Variants in GRID1 observed in about 807,000 individuals in gnomAD.
The protein encoded by GRID1 is glutamate ionotropic receptor delta type subunit 1.
In GRID1, 28 loss-of-function variants were observed where a neutral mutation model predicts 98.0. That is an observed-to-expected ratio of 0.29 (90% confidence interval 0.21 to 0.39). The LOEUF (loss-of-function observed/expected upper bound fraction) is 0.39. GRID1 is among the 10% of genes least tolerant of loss of function. The pLI is 1.00. For synonymous variants in GRID1, 553 were observed against 538.5 expected (o/e 1.03, Z -0.37); for missense variants, 1,111 against 1,340.5 (o/e 0.83, Z 2.67).
intron 13 of GRID1, among the ~76,000 whole-genome samples, chr10:85,634,951 G>T (rs1258941988): frequency 8.0e-6 from 1 of 124,652 alleles, no homozygotes; most frequent in Non-Finnish European, 1.6e-5. Context: ...CTAAGGTGAA[G>T]CGTATCAGAC....
intron 2 of GRID1, among the ~76,000 whole-genome samples, chr10:86,334,799 C>A (rs537838585): frequency 6.6e-6 from 1 of 152,310 alleles, no homozygotes; most frequent in African/African-American, 2.4e-5. Flanking sequence ...GAGGATGTGG[C>A]CGGGTCTGCA....
At chr10:86,258,235 T>C (rs1212026476) in intron 2 of GRID1, among the ~76,000 whole-genome samples, 1 of 152,106 alleles carries the variant, frequency 6.6e-6, no homozygotes, top group Non-Finnish European at 1.5e-5. Context: ...CTACCAATTA[T>C]TTTCAAAGAT....
chr10:85,937,731 T>C (rs931458192), intron 4 of GRID1, among the ~76,000 whole-genome samples: 2 of 152,138 alleles, frequency 1.3e-5, no homozygotes, highest in East Asian at 3.9e-4. Flanking sequence ...TCTGGGGACA[T>C]TTGGGGTTGT....
chr10:85,686,777 T>C (rs1295453909), intron 12 of GRID1, among the ~76,000 whole-genome samples: 2 of 152,094 alleles, frequency 1.3e-5, no homozygotes, highest in African/African-American at 4.8e-5. Context: ...GTTTGTTATA[T>C]TACTTTTAAT....
At chr10:85,860,655 G>A (rs950337009) in intron 6 of GRID1, among the ~76,000 whole-genome samples, 4 of 152,194 alleles carry the variant, frequency 2.6e-5, no homozygotes, top group African/African-American at 7.2e-5. Flanking sequence ...TAGGCAAGTG[G>A]TCTAATAGGA....
intron 5 of GRID1, among the ~76,000 whole-genome samples, chr10:85,894,730 G>A (rs981560850): frequency 3.7e-4 from 57 of 152,074 alleles, no homozygotes; most frequent in African/African-American, 1.3e-3. Flanking sequence ...GAACTTGGCC[G>A]GGTGCGGTAG....
At chr10:85,727,273 A>G (rs1281967826) in intron 10 of GRID1, among the ~76,000 whole-genome samples, 1 of 152,186 alleles carries the variant, frequency 6.6e-6, no homozygotes, top group Non-Finnish European at 1.5e-5. Flanking sequence ...TGCCACCATG[A>G]TAAATAATCA....
At chr10:85,863,306 C>T (rs939865002) in intron 6 of GRID1, among the ~76,000 whole-genome samples, 4 of 152,156 alleles carry the variant, frequency 2.6e-5, no homozygotes, top group Non-Finnish European at 5.9e-5. Context: ...AGTCTGGTCT[C>T]TTCAGCTCCT....
At chr10:86,307,988 G>A (rs1847782312) in intron 2 of GRID1, among the ~76,000 whole-genome samples, 3 of 152,156 alleles carry the variant, frequency 2.0e-5, no homozygotes, top group Admixed American at 2.0e-4. Flanking sequence ...TGCTGTGCAG[G>A]GGATCCCCGG....
chr10:86,175,835 G>A (rs546106095), intron 3 of GRID1, among the ~76,000 whole-genome samples: 9 of 152,198 alleles, frequency 5.9e-5, no homozygotes, highest in African/African-American at 2.2e-4. Context: ...TCAACCTCCT[G>A]AGTAGCTGAG....
chr10:86,195,224 C>T lies in GRID1; in HGVS notation c.520+11140G>A, dbSNP rs997879255. Among the ~76,000 whole-genome samples the T allele has an allele frequency of 1.3e-5, 2 of 152,070 alleles. No individual in the cohort carries two copies. Among genetic ancestry groups the T allele is most frequent in the African/African-American group, 2.4e-5 (1 of 41,436 alleles). On this transcript the variant is annotated intron_variant, in intron 3 of 15. Transcript: ENST00000327946. The surrounding 1 kb of genome is among the most constrained non-coding windows in gnomAD (Gnocchi z 4.4). The stretch of plus-strand genomic sequence containing the variant: ...CGACTGTGCTTGACTGAGAAACAGC[C>T]AAGCAAAACCCACTTCTACATTTGC...
chr10:86,308,468 A>G (rs1458697389), intron 2 of GRID1, among the ~76,000 whole-genome samples: 2 of 152,218 alleles, frequency 1.3e-5, no homozygotes, highest in African/African-American at 4.8e-5. Flanking sequence ...ACAAACACCA[A>G]ACACCCAGCC....
rs143315019 is a variant in GRID1 at position 85,638,502 on chromosome 10, G to A, written c.2193+8700C>T. 1.7e-3 allele frequency among the ~76,000 whole-genome samples: 253 copies of A among 152,210 alleles called. 3 individuals carry two copies. In the South Asian group the frequency reaches 0.03, roughly 18 times the overall value. On this transcript the variant is annotated intron_variant, in intron 13 of 15. Transcript: ENST00000327946. ...TTTATTGGCATAAGAATAGTTATAT[G>A]GATCAATGGAACAGAATAGAGAGTC... is the stretch of plus-strand genomic sequence containing the variant.
intron 2 of GRID1, among the ~76,000 whole-genome samples, chr10:86,330,941 G>C (rs1475855122): frequency 6.6e-6 from 1 of 152,240 alleles, no homozygotes; most frequent in Non-Finnish European, 1.5e-5. Context: ...CAGCCAAGGG[G>C]CAGGAGGGCC....
At chr10:85,855,124 C>A (rs760949519) in intron 7 of GRID1, among the ~76,000 whole-genome samples, 4 of 152,260 alleles carry the variant, frequency 2.6e-5, no homozygotes, top group African/African-American at 9.6e-5. Flanking sequence ...CCTGTGCCAC[C>A]TTGGGCACAT....
chr10:85,968,443 T>C (rs2131853394), intron 4 of GRID1, among the ~76,000 whole-genome samples: 1 of 115,050 alleles, frequency 8.7e-6, no homozygotes, highest in South Asian at 3.0e-4. Context: ...ACAGCAAGAC[T>C]CTGTCTCAAA....
intron 2 of GRID1, among the ~76,000 whole-genome samples, chr10:86,211,580 C>A (rs1302444516): frequency 6.6e-6 from 1 of 152,174 alleles, no homozygotes; most frequent in African/African-American, 2.4e-5. Context: ...TGTTCACATC[C>A]CACCCATCCA....
chr10:85,757,750 C>G (rs2949380), intron 8 of GRID1, among the ~76,000 whole-genome samples: 102,511 of 152,148 alleles, frequency 0.67, 34,889 homozygotes, highest in East Asian at 0.87. Flanking sequence ...ACCTAAGGAT[C>G]TTACTGAAAT....
intron 5 of GRID1, among the ~76,000 whole-genome samples, chr10:85,879,136 C>G (rs1840959821): frequency 6.6e-6 from 1 of 152,128 alleles, no homozygotes; most frequent in Admixed American, 6.6e-5. Flanking sequence ...CCTGAGTGAC[C>G]TACAAAGAGG....
Sources: gnomAD v4.1 joint callset for allele counts (sites outside exome capture counted in the v4.1 genomes callset) on GRCh38, gnomAD v4.1.1 for gene constraint, Gnocchi (gnomAD v3.1) non-coding constraint, MANE v1.5 for transcripts, NCBI Gene and HGNC (gene_info 2026-07-23, HGNC 2026-07-21) for gene names.